Variants in TMEM182 observed in about 807,000 individuals in gnomAD.
TMEM182 encodes transmembrane protein 182.
Under a neutral mutation model 26.8 loss-of-function variants are expected in TMEM182, and 20 were observed. The observed-to-expected ratio is 0.75, with a 90% confidence interval of 0.53 to 1.09. TMEM182 has a LOEUF of 1.09. Among genes scored for constraint, TMEM182 ranks in the 50% least tolerant of loss-of-function variants. The pLI is 0.00. For synonymous variants in TMEM182, 109 were observed against 102.2 expected, an observed-to-expected ratio of 1.07 and a Z score of -0.40; for missense variants, 277 against 275.5, an observed-to-expected ratio of 1.01 and a Z score of -0.04.
chr2:102,822,509 C>T (rs1682942639), downstream of TMEM182, among the ~76,000 whole-genome samples: 1 of 152,060 alleles, frequency 6.6e-6, no homozygotes, highest in African/African-American at 2.4e-5. Flanking sequence ...ATGGTGACTA[C>T]AGAAGTTTTG....
chr2:102,803,968 A>G (rs768670663), intron 4 of TMEM182, among the ~76,000 whole-genome samples: 1 of 152,082 alleles, frequency 6.6e-6, no homozygotes, highest in Non-Finnish European at 1.5e-5. Context: ...CCTGGCATCC[A>G]CATCTGCATG....
chr2:102,825,878 AG>A (rs1683021842), intron 3 of TMEM182, among the ~76,000 whole-genome samples: 1 of 152,222 alleles, frequency 6.6e-6, no homozygotes, highest in Non-Finnish European at 1.5e-5. Context: ...AAAGCACTGG[AG>A]GTGAACTTCC....
chr2:102,837,898 G>A (rs982763626), intron 3 of TMEM182, among the ~76,000 whole-genome samples: 5 of 152,174 alleles, frequency 3.3e-5, no homozygotes, highest in African/African-American at 9.7e-5. Flanking sequence ...GGCTAGCTAC[G>A]TCATTCATGG....
rs577435158 is a variant in TMEM182, at chr2:102,835,761, A to G, written c.326-7651A>G. 2.4e-4 allele frequency among the ~76,000 whole-genome samples: 36 copies of G among 152,112 alleles called. No individual in the cohort carries two copies. The South Asian group carries it at 6.2e-3, about 26-fold the overall frequency. ...TGTGCACAACATGCAGGTTTCTTACATATGTATACATGTGCCATATTAGTG... is the reference window on the plus strand; with the variant it reads ...TGTGCACAACATGCAGGTTTCTTACGTATGTATACATGTGCCATATTAGTG... On this transcript the variant is annotated intron_variant, in intron 3 of 3. Transcript: ENST00000486293.
chr2:102,767,098 A>G (rs1680483904), intron 3 of TMEM182, among the ~76,000 whole-genome samples: 1 of 152,206 alleles, frequency 6.6e-6, no homozygotes, highest in African/African-American at 2.4e-5. Flanking sequence ...TGAAAAGGCT[A>G]ATTGTAGTGC....
intron 3 of TMEM182, among the ~76,000 whole-genome samples, chr2:102,835,141 T>C (rs1211630070): frequency 6.6e-6 from 1 of 152,270 alleles, no homozygotes; most frequent in East Asian, 1.9e-4. Flanking sequence ...GCAGGAAGAA[T>C]TATGACATCT....
chr2:102,737,361 G>A (rs1179794187), intron 1 of TMEM182, among the ~76,000 whole-genome samples: 1 of 152,200 alleles, frequency 6.6e-6, no homozygotes, highest in African/African-American at 2.4e-5. Flanking sequence ...ACCATAGATG[G>A]TCTATGCCTG....
intron 1 of TMEM182, among the ~76,000 whole-genome samples, chr2:102,746,387 T>C (rs1679697077): frequency 6.6e-6 from 1 of 152,212 alleles, no homozygotes; most frequent in African/African-American, 2.4e-5. Flanking sequence ...TTGTGAGTTA[T>C]CTTTTATTGA....
At position 102,816,166 on chromosome 2, in the gene TMEM182, C is replaced by A; in HGVS notation, c.*1198C>A. 1.0e-6 allele frequency: 1 copy of A among 985,360 alleles called. No individual in the cohort carries two copies. The highest frequency in any genetic ancestry group is 4.7e-5 in the South Asian group (1 of 21,282). 61.0% of individuals were successfully genotyped at this position (985,360 alleles called of 1,614,324 possible). The stretch of plus-strand genomic sequence containing the variant: ...ATTTGGCACTAATGTTGATTGAAAT[C>A]AAATCCATCTGAGATGCCTAGCTCG... On this transcript the variant is annotated 3_prime_UTR_variant, in exon 5 of 5. Coordinates refer to ENST00000412401, the MANE Select transcript of TMEM182 (RefSeq NM_144632.5).
intron 3 of TMEM182, among the ~76,000 whole-genome samples, chr2:102,839,639 A>G (rs1272564598): frequency 6.6e-6 from 1 of 152,066 alleles, no homozygotes; most frequent in African/African-American, 2.4e-5. Context: ...GGTATTACAT[A>G]TGACCAACAT....
intron 1 of TMEM182, 73 bp downstream of exon 1, chr2:102,762,422 G>A: frequency 1.3e-6 from 2 of 1,591,032 alleles, no homozygotes; most frequent in South Asian, 2.3e-5. Context: ...CTTGAAATCA[G>A]AGAATAGTAG....
intron 3 of TMEM182, among the ~76,000 whole-genome samples, chr2:102,832,094 A>G (rs951720749): frequency 1.3e-5 from 2 of 152,214 alleles, no homozygotes; most frequent in Admixed American, 6.5e-5. Context: ...ACGGATAGCC[A>G]TTCTTGATGG....
chr2:102,797,995 C>T lies in TMEM182; in HGVS notation c.464C>T (p.Ala155Val). Residue 155 changes from alanine to valine, a missense_variant, in exon 4 of 5, where the codon GCT becomes GTT. Coordinates refer to ENST00000412401, the MANE Select transcript of TMEM182 (RefSeq NM_144632.5). ...LYKAGGGSYI[A>V]AGILFSLVVM... ...AAAGCTGGGGGAGGCTCATATATTGCTGCAGGTACGTACGGTGCAATGGGT... is the reference window on the plus strand; with the variant it reads ...AAAGCTGGGGGAGGCTCATATATTGTTGCAGGTACGTACGGTGCAATGGGT... The T allele has an allele frequency of 6.2e-7, 1 of 1,613,780 alleles. No homozygotes were observed. Among genetic ancestry groups the T allele is most frequent in the Non-Finnish European group, 8.5e-7 (1 of 1,179,928 alleles).
intron 3 of TMEM182, among the ~76,000 whole-genome samples, chr2:102,795,749 G>A (rs771155783): frequency 6.6e-6 from 1 of 151,974 alleles, no homozygotes; most frequent in Non-Finnish European, 1.5e-5. Flanking sequence ...TTTCTCTGTG[G>A]GATTTTCTTT....
chr2:102,763,661 A>G (rs1228422032), intron 2 of TMEM182, among the ~76,000 whole-genome samples: 51 of 152,310 alleles, frequency 3.3e-4, no homozygotes, highest in Non-Finnish European at 5.9e-5. Context: ...ACAACTTGCC[A>G]GTGGAAATGG....
chr2:102,744,407 C>A (rs953896833), intron 1 of TMEM182, among the ~76,000 whole-genome samples: 1 of 151,902 alleles, frequency 6.6e-6, no homozygotes, highest in South Asian at 2.1e-4. Context: ...AAAAATGCTG[C>A]GTAGAGGGAA....
chr2:102,821,018 A>G (rs534813554), downstream of TMEM182, among the ~76,000 whole-genome samples: 3 of 152,104 alleles, frequency 2.0e-5, no homozygotes, highest in Non-Finnish European at 4.4e-5. Context: ...AACCCTGATA[A>G]AGAGTTGGAT....
intron 4 of TMEM182, among the ~76,000 whole-genome samples, chr2:102,805,867 C>T (rs1440006083): frequency 1.3e-5 from 2 of 152,010 alleles, no homozygotes; most frequent in Non-Finnish European, 2.9e-5. Context: ...TGTGACCGCA[C>T]CACTGTACTC....
rs540531611 is a variant in TMEM182, at chr2:102,786,950, A to G, written c.332-10913A>G. On this transcript the variant is annotated intron_variant, in intron 3 of 4. Coordinates refer to ENST00000412401, the MANE Select transcript of TMEM182 (RefSeq NM_144632.5). ...TCAGTTAGCGCTGACCTTCATCCCA[A>G]TCATCCTAATTATAAAATAAGTATT... is the stretch of plus-strand genomic sequence containing the variant. 6.6e-5 allele frequency among the ~76,000 whole-genome samples: 10 copies of G among 152,326 alleles called. No homozygotes were observed. The South Asian group carries it at 2.1e-3, about 32-fold the overall frequency.
Sources: gnomAD v4.1 joint callset for allele counts (sites outside exome capture counted in the v4.1 genomes callset) on GRCh38, gnomAD v4.1.1 for gene constraint, MANE v1.5 for transcripts, NCBI Gene and HGNC (gene_info 2026-07-23, HGNC 2026-07-21) for gene names.